Variants in PTPRT observed in about 807,000 individuals in gnomAD.
PTPRT encodes receptor-type tyrosine-protein phosphatase T.
PTPRT carries 56 observed loss-of-function variants against 176.8 expected under a neutral mutation model. The observed-to-expected ratio is 0.32, with a 90% CI of 0.26 to 0.40. The LOEUF (loss-of-function observed/expected upper bound fraction) is 0.40, where lower values mean the gene tolerates loss of function less well. Among genes scored for constraint, PTPRT ranks in the 10% least tolerant of loss-of-function variants. PTPRT has a pLI of 1.00. For synonymous variants in PTPRT, 783 were observed against 739.0 expected, an observed-to-expected ratio of 1.06 and a Z score of -0.96; for missense variants, 1,540 against 1,908.2, an observed-to-expected ratio of 0.81 and a Z score of 3.60.
the PTPRT span, among the ~76,000 whole-genome samples, chr20:42,033,624 G>C: frequency 6.6e-6 from 1 of 152,152 alleles, no homozygotes; most frequent in Non-Finnish European, 1.5e-5. Context: ...AAGTCAGAGA[G>C]GCCTGGGCTG....
intron 2 of PTPRT, among the ~76,000 whole-genome samples, chr20:42,832,847 T>TA (rs1307218518): frequency 6.9e-6 from 1 of 145,696 alleles, no homozygotes; most frequent in African/African-American, 2.5e-5. Context: ...CTCACACATG[T>TA]AATCTCAGTA....
chr20:42,557,995 CT>C (rs2072889153), intron 7 of PTPRT, among the ~76,000 whole-genome samples: 4 of 152,248 alleles, frequency 2.6e-5, no homozygotes, highest in Middle Eastern at 6.8e-3. Context: ...TTGTTTTAAA[CT>C]TTTACATTCA....
chr20:42,529,611 C>T (rs1396836369), intron 7 of PTPRT, among the ~76,000 whole-genome samples: 7 of 152,034 alleles, frequency 4.6e-5, no homozygotes, highest in Admixed American at 4.6e-4. Flanking sequence ...CCCAGCCTCC[C>T]GAGTAGCTGA....
intron 12 of PTPRT, among the ~76,000 whole-genome samples, chr20:42,304,244 G>C (rs900393566): frequency 6.6e-6 from 1 of 151,960 alleles, no homozygotes; most frequent in African/African-American, 2.4e-5. Context: ...TCCTCCTCCT[G>C]AATTCCCTGA....
chr20:43,076,998 C>T (rs545219419), intron 1 of PTPRT, among the ~76,000 whole-genome samples: 2 of 152,298 alleles, frequency 1.3e-5, no homozygotes, highest in South Asian at 4.1e-4. Flanking sequence ...CACACCAGTT[C>T]CTGCTCAGAA....
At chr20:42,826,129 G>A (rs1343147972) in intron 2 of PTPRT, among the ~76,000 whole-genome samples, 2 of 152,018 alleles carry the variant, frequency 1.3e-5, no homozygotes, top group African/African-American at 4.8e-5. Context: ...GTGGCCAGCT[G>A]AGAGGGGGTA....
At chr20:42,326,368 G>C (rs2057881738) in intron 11 of PTPRT, among the ~76,000 whole-genome samples, 1 of 152,140 alleles carries the variant, frequency 6.6e-6, no homozygotes, top group South Asian at 2.1e-4. Context: ...AAACAGAAGA[G>C]ATACACATTT....
intron 6 of PTPRT, among the ~76,000 whole-genome samples, chr20:42,730,117 A>C (rs980118915): frequency 1.3e-5 from 2 of 152,194 alleles, no homozygotes; most frequent in Non-Finnish European, 2.9e-5. Flanking sequence ...TAATGTTGAC[A>C]AAGAGAAAAC....
rs557869528 is a variant in PTPRT at position 43,138,551 on chromosome 20, G to A, written c.88+51095C>T. On this transcript the variant is annotated intron_variant, in intron 1 of 30. Transcript: ENST00000373187. ...CAAAATACCCGAGGACCTTTGTACC[G>A]GGCACAGGTGGGCCCCTCCATAAGT... 1.6e-3 allele frequency among the ~76,000 whole-genome samples: 237 copies of A among 152,270 alleles called. 1 individual carries two copies. Among genetic ancestry groups the A allele is most frequent in the Non-Finnish European group, 3.1e-3 (211 of 68,008 alleles).
rs530196724 is a variant in PTPRT, at chr20:42,756,081, T to A, written c.859+381A>T. On this transcript the variant is annotated intron_variant, in intron 6 of 30. Coordinates refer to ENST00000373187, the MANE Select transcript of PTPRT (RefSeq NM_007050.6). ...GTCATTGTATTGAGTTTTCAATTTT[T>A]AAAAAAAAATCCCTCAGAAACAATA... 5.3e-3 allele frequency among the ~76,000 whole-genome samples: 798 copies of A among 151,882 alleles called. 4 individuals carry two copies. The highest frequency in any genetic ancestry group is 7.8e-3 in the Non-Finnish European group (528 of 67,920).
chr20:42,114,966 T>G (rs1987195116), intron 22 of PTPRT, among the ~76,000 whole-genome samples: 1 of 152,204 alleles, frequency 6.6e-6, no homozygotes, highest in Non-Finnish European at 1.5e-5. Context: ...TGTGTGGCTT[T>G]TATCACAATG....
At chr20:42,775,950 G>A (rs146683956) in intron 4 of PTPRT, among the ~76,000 whole-genome samples, 4 of 152,290 alleles carry the variant, frequency 2.6e-5, no homozygotes, top group Non-Finnish European at 4.4e-5. Flanking sequence ...GGAGGCTGGG[G>A]AAAAGCACCT....
At chr20:42,594,246 T>C (rs1282167113) in intron 7 of PTPRT, among the ~76,000 whole-genome samples, 3 of 152,268 alleles carry the variant, frequency 2.0e-5, no homozygotes, top group Admixed American at 1.3e-4. Flanking sequence ...GCTGCCTCCA[T>C]GCAAATCTCA....
intron 2 of PTPRT, among the ~76,000 whole-genome samples, chr20:42,823,189 A>G (rs1265579529): frequency 6.6e-6 from 1 of 152,230 alleles, no homozygotes; most frequent in East Asian, 1.9e-4. Context: ...AATATATACC[A>G]TGGAATACTA....
intron 5 of PTPRT, among the ~76,000 whole-genome samples, chr20:42,767,967 T>C (rs2077007185): frequency 7.5e-6 from 1 of 132,882 alleles, no homozygotes; most frequent in African/African-American, 2.8e-5. Context: ...TATGAAAATA[T>C]ATAAAATTAT....
At chr20:42,461,428 T>C (rs982795671) in intron 8 of PTPRT, among the ~76,000 whole-genome samples, 1 of 152,138 alleles carries the variant, frequency 6.6e-6, no homozygotes, top group Non-Finnish European at 1.5e-5. Flanking sequence ...TCCTAGCTAC[T>C]GGAGAGGGTG....
intron 4 of PTPRT, among the ~76,000 whole-genome samples, chr20:42,776,894 A>G (rs187965916): frequency 5.7e-4 from 86 of 150,700 alleles, no homozygotes; most frequent in Non-Finnish European, 8.9e-5. Flanking sequence ...ATATAATCAT[A>G]TAATTACTTT....
chr20:43,150,615 C>T (rs2014320453), intron 1 of PTPRT, among the ~76,000 whole-genome samples: 1 of 152,128 alleles, frequency 6.6e-6, no homozygotes, highest in Admixed American at 6.5e-5. Context: ...TGTCACCATG[C>T]CCAGCTAATT....
At chr20:42,388,691 T>A (rs1378124337) in intron 9 of PTPRT, among the ~76,000 whole-genome samples, 4 of 152,178 alleles carry the variant, frequency 2.6e-5, no homozygotes, top group Non-Finnish European at 5.9e-5. Context: ...TGTAAACTAG[T>A]TCAACCATTG....
Sources: gnomAD v4.1 joint callset for allele counts (sites outside exome capture counted in the v4.1 genomes callset) on GRCh38, gnomAD v4.1.1 for gene constraint, MANE v1.5 for transcripts, NCBI Gene and HGNC (gene_info 2026-07-23, HGNC 2026-07-21) for gene names.